RASGRF2: variants seen among roughly 807,000 people sequenced by gnomAD.
The protein encoded by RASGRF2 is ras-specific guanine nucleotide-releasing factor 2.
RASGRF2 carries 76 observed loss-of-function variants against 151.0 expected under a neutral mutation model. The ratio of observed to expected loss-of-function variants is 0.50; its 90% confidence interval spans 0.42 to 0.61. The LOEUF is 0.61. Ranked by LOEUF, RASGRF2 falls within the 20% of genes least tolerant of loss-of-function variation. The pLI, the probability that RASGRF2 is intolerant of heterozygous loss-of-function variation, is 0.00. For synonymous variants in RASGRF2, 504 were observed against 566.5 expected (o/e 0.89, Z 1.57); for missense variants, 1,148 against 1,564.6 (o/e 0.73, Z 4.49).
rs1752500572 is a variant in RASGRF2 at position 81,094,856 on chromosome 5, C to T, written c.1619C>T (p.Ser540Phe). 2 of 1,597,510 alleles carry T rather than the reference C, an allele frequency of 1.3e-6. No homozygotes were observed. Among genetic ancestry groups the T allele is most frequent in the South Asian group, 2.2e-5 (2 of 90,406 alleles). The part of the protein sequence containing the change: ...IEEPDASDDD[S>F]KGSGQVFGHL... ...ATTGTTTGCTTTACATGTGTTCAAG[C>T]TAAAGGTTCTGGGCAAGTGTTTGGG... Residue 540 changes from serine to phenylalanine, a missense_variant and splice_region_variant, in exon 12 of 27, where the codon TCT (serine) becomes TTT (phenylalanine). Transcript: ENST00000265080.
At chr5:81,186,074 A>G (rs1027793689) in intron 18 of RASGRF2, among the ~76,000 whole-genome samples, 4 of 152,244 alleles carry the variant, frequency 2.6e-5, no homozygotes, top group African/African-American at 4.8e-5. Flanking sequence ...CTCAGCTGTT[A>G]TATTTCTAAC....
intron 1 of RASGRF2, among the ~76,000 whole-genome samples, chr5:80,986,473 C>G (rs991815377): frequency 5.9e-5 from 9 of 152,116 alleles, no homozygotes; most frequent in Admixed American, 1.3e-4. Flanking sequence ...ACTACCAGTA[C>G]AGGTATGTAG....
At chr5:81,031,748 G>A (rs1324145001) in intron 1 of RASGRF2, among the ~76,000 whole-genome samples, 1 of 152,156 alleles carries the variant, frequency 6.6e-6, no homozygotes, top group Admixed American at 6.5e-5. Flanking sequence ...AACTAGAGAA[G>A]CAAGAGCAAA....
intron 1 of RASGRF2, among the ~76,000 whole-genome samples, chr5:80,964,520 C>G (rs1460630863): frequency 6.6e-6 from 1 of 151,976 alleles, no homozygotes; most frequent in Non-Finnish European, 1.5e-5. Flanking sequence ...ATTGCTAACA[C>G]TGAAACTCAA....
chr5:81,161,824 T>C (rs949340285), intron 17 of RASGRF2, among the ~76,000 whole-genome samples: 3 of 152,176 alleles, frequency 2.0e-5, no homozygotes, highest in African/African-American at 4.8e-5. Context: ...ATAAACATTG[T>C]TGGCCCCAAG....
Position 81,193,766 on chromosome 5 carries a change from C to T in RASGRF2, c.2794-7564C>T, listed in dbSNP as rs1217640776. ...TCCTGACCTCAGGTAGATTCACCCG[C>T]CTCAGCCTCCCGTAGTGCTGGGATT... is the stretch of plus-strand genomic sequence containing the variant. On this transcript the variant is annotated intron_variant, in intron 18 of 26. Coordinates refer to ENST00000265080, the MANE Select transcript of RASGRF2 (RefSeq NM_006909.3). 2.0e-5 allele frequency among the ~76,000 whole-genome samples: 3 copies of T among 152,228 alleles called. No homozygotes were observed. The East Asian group carries it at 5.8e-4, about 29-fold the overall frequency.
At chr5:81,206,793 C>G in intron 19 of RASGRF2, 52 bp from the exon 20 acceptor site, 2 of 1,488,064 alleles carry the variant, frequency 1.3e-6, no homozygotes, top group Non-Finnish European at 1.9e-6. Flanking sequence ...TAGTTTTGTT[C>G]CTAGGTTGTC....
At chr5:81,135,971 T>A (rs1026838972) in intron 17 of RASGRF2, among the ~76,000 whole-genome samples, 3 of 152,142 alleles carry the variant, frequency 2.0e-5, no homozygotes, top group African/African-American at 7.2e-5. Flanking sequence ...TTACTGTGAG[T>A]TATTTTACTT....
intron 1 of RASGRF2, among the ~76,000 whole-genome samples, chr5:80,961,490 G>C (rs982826566): frequency 2.0e-5 from 3 of 152,192 alleles, no homozygotes; most frequent in Non-Finnish European, 2.9e-5. Flanking sequence ...CCACTGGTTG[G>C]GCTGGGAACA....
chr5:81,172,856 G>T (rs1424821765), intron 17 of RASGRF2, among the ~76,000 whole-genome samples: 1 of 152,080 alleles, frequency 6.6e-6, no homozygotes, highest in East Asian at 1.9e-4. Context: ...TCATCCTCTG[G>T]ATGATGTGTG....
chr5:81,087,158 T>C (rs918732099), intron 9 of RASGRF2: 2 of 703,622 alleles, frequency 2.8e-6, no homozygotes, highest in African/African-American at 1.7e-5. Flanking sequence ...ACAATCATAG[T>C]AAAGCACGAG....
chr5:81,032,450 A>G (rs1294102380), intron 1 of RASGRF2, among the ~76,000 whole-genome samples: 3 of 152,178 alleles, frequency 2.0e-5, no homozygotes, highest in Non-Finnish European at 2.9e-5. Flanking sequence ...TATCCACCAC[A>G]ATCAAGTTGG....
intron 1 of RASGRF2, among the ~76,000 whole-genome samples, chr5:80,963,776 C>T (rs151088749): frequency 3.9e-5 from 6 of 152,216 alleles, no homozygotes; most frequent in Non-Finnish European, 5.9e-5. Flanking sequence ...CATTGGAGGG[C>T]GACATATTTA....
In RASGRF2 at chr5:81,061,096, T is replaced by C. The variant is rs533592563; in HGVS notation, c.396-6936T>C. On this transcript the variant is annotated intron_variant, in intron 2 of 26. Transcript: ENST00000265080. ...AATAAATCTTGGGTATGTGCCATTATGTTATGACTATTTTCAAAAAACATA... is the reference window on the plus strand; with the variant it reads ...AATAAATCTTGGGTATGTGCCATTACGTTATGACTATTTTCAAAAAACATA... Among the ~76,000 whole-genome samples the C allele has an allele frequency of 4.2e-4, 64 of 152,332 alleles. No individual in the cohort carries two copies. The South Asian group carries it at 9.9e-3, about 24-fold the overall frequency.
chr5:81,018,802 C>CTTTT (rs35247915), intron 1 of RASGRF2, among the ~76,000 whole-genome samples: 1 of 127,054 alleles, frequency 7.9e-6, no homozygotes, highest in Non-Finnish European at 1.7e-5. Context: ...TCCATCTGCA[C>CTTTT]TTTTTTTTTT....
At chr5:81,055,633 C>T (rs376140509) in intron 2 of RASGRF2, among the ~76,000 whole-genome samples, 9 of 152,186 alleles carry the variant, frequency 5.9e-5, no homozygotes, top group East Asian at 3.9e-4. Context: ...ATCAGGATGA[C>T]GCTGGCATCA....
chr5:81,119,626 CA>C (rs1281850905), intron 15 of RASGRF2, among the ~76,000 whole-genome samples: 2 of 152,194 alleles, frequency 1.3e-5, no homozygotes, highest in African/African-American at 4.8e-5. Context: ...CCTGTCAGTA[CA>C]GATATTGGAC....
At position 81,080,122 on chromosome 5, in the gene RASGRF2, GAAAC is replaced by G; in HGVS notation, c.892_895del (p.Thr298SerfsTer12). On this transcript the variant is annotated frameshift_variant and splice_region_variant, in exon 6 of 27. Transcript: ENST00000265080. LOFTEE classifies it high-confidence loss of function. ...ATATTATTTTTCCTTTTTTTATAGTGAAACAATCATGTTTCTTCATGAAATATTT... is the reference window on the plus strand; with the variant it reads ...ATATTATTTTTCCTTTTTTTATAGTGAATCATGTTTCTTCATGAAATATTT... 6.3e-7 allele frequency: 1 copy of G among 1,591,682 alleles called. No homozygotes were observed. Among genetic ancestry groups the G allele is most frequent in the Non-Finnish European group, 8.5e-7 (1 of 1,175,062 alleles).
At chr5:81,128,240 T>G (rs1753521840) in intron 17 of RASGRF2, among the ~76,000 whole-genome samples, 1 of 152,168 alleles carries the variant, frequency 6.6e-6, no homozygotes, top group Non-Finnish European at 1.5e-5. Context: ...TAGTTAAAAA[T>G]GTACCGCATA....
Sources: gnomAD v4.1 joint callset for allele counts (sites outside exome capture counted in the v4.1 genomes callset) on GRCh38, gnomAD v4.1.1 for gene constraint, MANE v1.5 for transcripts, NCBI Gene and HGNC (gene_info 2026-07-23, HGNC 2026-07-21) for gene names.